The following TMEM134 variants were observed in gnomAD, a reference collection of about 807,000 sequenced individuals.
The protein encoded by TMEM134 is transmembrane protein 134.
In TMEM134, 36 loss-of-function variants were observed where a neutral mutation model predicts 26.2. The observed-to-expected ratio is 1.37, with a 90% CI of 1.05 to 1.81. The LOEUF (loss-of-function observed/expected upper bound fraction) is 1.81, where lower values mean the gene tolerates loss of function less well. TMEM134 is among the 40% of genes most tolerant of loss of function. The pLI is 0.00. For missense variants in TMEM134, 339 were observed against 263.5 expected (o/e 1.29, Z -1.98); for synonymous variants, 133 against 113.6 (o/e 1.17, Z -1.08).
Position 67,468,061 on chromosome 11 carries a change from G to A in TMEM134, c.206C>T (p.Ala69Val), listed in dbSNP as rs1215361869. ...GACTCCCCCATCCGGCTCCGGAGAG[G>A]CCTGGGCTCCATCCTCATCGTTCTC... The part of the protein sequence containing the change: ...NLENDEDGAQ[A>V]SPEPDGGVGT... The change falls in exon 2 of 7, where the codon GCC becomes GTC. Residue 69 changes from alanine (A) to valine (V), a missense_variant. Ala to Val is a moderately conservative substitution (Grantham distance 64). Coordinates refer to ENST00000308022, the MANE Select transcript of TMEM134 (RefSeq NM_025124.4). 1 of 1,564,216 alleles carries A rather than the reference G, an allele frequency of 6.4e-7. No homozygotes were observed. The highest frequency in any genetic ancestry group is 8.7e-7 in the Non-Finnish European group (1 of 1,153,872).
chr11:67,467,145 CA>C, intron 4 of TMEM134, 166 bp downstream of exon 4: 1 of 631,852 alleles, frequency 1.6e-6, no homozygotes, highest in Non-Finnish European at 2.8e-6. Flanking sequence ...GCCCAGGTCA[CA>C]AGGCCTCTGT....
chr11:67,464,841 A>G lies in TMEM134; in HGVS notation c.467T>C (p.Ile156Thr), dbSNP rs1565169477. Residue 156 changes from isoleucine (I) to threonine (T), a missense_variant, in exon 6 of 7, where the codon ATC (isoleucine) becomes ACC (threonine). Coordinates refer to ENST00000308022, the MANE Select transcript of TMEM134 (RefSeq NM_025124.4). ...ATPSPGVSSA[I>T]FFVPGFLLLV... ...CAACAGGAAGCCCGGCACGAAGAAG[A>G]TGGCGCTGGAGACACCTGCGGGAGG... 1.2e-6 allele frequency: 2 copies of G among 1,610,482 alleles called. No individual in the cohort carries two copies. Among genetic ancestry groups the G allele is most frequent in the Admixed American group, 1.7e-5 (1 of 59,982 alleles).
Position 67,462,497 on chromosome 11 carries a change from GTGCGCACCACCA to G in TMEM134, c.*2105_*2116del. 1 of 151,490 alleles carries G rather than the reference GTGCGCACCACCA, an allele frequency of 6.6e-6. No homozygotes were observed. The highest frequency in any genetic ancestry group is 2.0e-4 in the East Asian group (1 of 5,036). 9.4% of individuals were successfully genotyped at this position (151,490 alleles called of 1,614,324 possible). A position where few individuals can be genotyped will look rare whatever the true frequency, so the allele number is the denominator to read the frequency against. The stretch of plus-strand genomic sequence containing the variant: ...GCCTCCTGAGTAGCTGGGATTACAG[GTGCGCACCACCA>G]TGCCCGGTAATTTTTTTGTATTTTT... On this transcript the variant is annotated 3_prime_UTR_variant, in exon 7 of 7. Coordinates refer to ENST00000308022, the MANE Select transcript of TMEM134 (RefSeq NM_025124.4).
chr11:67,468,038 C>T lies in TMEM134; in HGVS notation c.229G>A (p.Val77Ile). 6.4e-7 allele frequency: 1 copy of T among 1,559,306 alleles called. No individual in the cohort carries two copies. Among genetic ancestry groups the T allele is most frequent in the Non-Finnish European group, 8.7e-7 (1 of 1,151,210 alleles). The change falls in exon 2 of 7, where the codon GTC becomes ATC. Residue 77 changes from valine (V) to isoleucine (I), a missense_variant. Transcript: ENST00000308022. ...CCACCTGGCCCTAACCTGGTGCCGA[C>T]TCCCCCATCCGGCTCCGGAGAGGCC... ...AQASPEPDGGVGTRDSSRTSI... is the reference protein window; with the variant it reads ...AQASPEPDGGIGTRDSSRTSI...
At chr11:67,468,603 A>G (rs1327675581) in intron 1 of TMEM134, among the ~76,000 whole-genome samples, 2 of 152,184 alleles carry the variant, frequency 1.3e-5, no homozygotes, top group African/African-American at 4.8e-5. Context: ...GAGGGCTTTC[A>G]GAATAGAGAA....
At chr11:67,467,470 C>T in intron 3 of TMEM134, 31 bp downstream of exon 3, 1 of 1,613,450 alleles carries the variant, frequency 6.2e-7, no homozygotes, top group Non-Finnish European at 8.5e-7. Context: ...GCCAGGGCTG[C>T]TCGGCTGGGG....
intron 4 of TMEM134, chr11:67,465,359 C>T (rs1865187443): frequency 3.1e-6 from 3 of 982,812 alleles, no homozygotes; most frequent in Admixed American, 3.5e-5. Context: ...CTACTGCGTG[C>T]CTGGTACTGG....
chr11:67,468,896 G>C (rs1016200761), intron 1 of TMEM134, 123 bp downstream of exon 1: 4 of 989,948 alleles, frequency 4.0e-6, no homozygotes, highest in African/African-American at 1.7e-5. Flanking sequence ...GCGGGGCGGG[G>C]GGGCGGTCTC....
chr11:67,465,025 C>A, intron 5 of TMEM134, 31 bp downstream of exon 5: 3 of 1,537,962 alleles, frequency 2.0e-6, no homozygotes, highest in Non-Finnish European at 2.6e-6. Context: ...CAGGGGTGTC[C>A]TCTGCCTGTG....
chr11:67,465,589 T>TG (rs1865200883), intron 4 of TMEM134, among the ~76,000 whole-genome samples: 2 of 149,868 alleles, frequency 1.3e-5, no homozygotes, highest in Admixed American at 6.6e-5. Flanking sequence ...CCTGGGGGAC[T>TG]GGGGGGCCAC....
intron 4 of TMEM134, 26 bp from the exon 5 acceptor site, chr11:67,465,126 TGGGGGCAGGAGCAGTGGTGAGGGC>T (rs767566031): frequency 2.8e-5 from 43 of 1,554,204 alleles, no homozygotes; most frequent in South Asian, 1.8e-4. Context: ...GCCGCGGGGG[TGGGGGCAGGAGCAGTGGTGAGGGC>T]GGGGGCTCCC....
Position 67,469,202 on chromosome 11 carries a change from C to T in TMEM134, c.-10G>A. The T allele has an allele frequency of 1.6e-6, 2 of 1,289,460 alleles. No individual in the cohort carries two copies. Among genetic ancestry groups the T allele is most frequent in the Non-Finnish European group, 2.0e-6 (2 of 1,013,454 alleles). The allele number at this position is 1,289,460 out of a possible 1,614,324, so 79.9% of individuals were successfully genotyped here. A position where few individuals can be genotyped will look rare whatever the true frequency, so the allele number is the denominator to read the frequency against. On this transcript the variant is annotated 5_prime_UTR_variant, in exon 1 of 7. Coordinates refer to ENST00000308022, the MANE Select transcript of TMEM134 (RefSeq NM_025124.4). ...GCCGGGCGGCGCTCATGGCCCCGGCCCGCTCAGGCGCCGTGCGCCGCCGCC... is the reference window on the plus strand; with the variant it reads ...GCCGGGCGGCGCTCATGGCCCCGGCTCGCTCAGGCGCCGTGCGCCGCCGCC...
rs1865060240 is a variant in TMEM134, at chr11:67,462,858, A to C, written c.*1756T>G. On this transcript the variant is annotated 3_prime_UTR_variant, in exon 7 of 7. Transcript: ENST00000308022. The stretch of plus-strand genomic sequence containing the variant: ...ACAGGCGCCCCACCATGCCTGGCTA[A>C]GTTTTTGTATTTTTTGTAGAGATGG... The C allele has an allele frequency of 6.6e-6, 1 of 151,360 alleles. No individual in the cohort carries two copies. The highest frequency in any genetic ancestry group is 1.5e-5 in the Non-Finnish European group (1 of 67,884). The allele number at this position is 151,360 out of a possible 1,614,324, so 9.4% of individuals were successfully genotyped here. A position where few individuals can be genotyped will look rare whatever the true frequency, so the allele number is the denominator to read the frequency against.
intron 2 of TMEM134, 154 bp downstream of exon 2, chr11:67,467,874 T>C (rs1865373504): frequency 2.7e-6 from 2 of 753,798 alleles, no homozygotes; most frequent in East Asian, 2.7e-5. Flanking sequence ...GACCCTACAG[T>C]GTAGGAGACC....
Position 67,469,245 on chromosome 11 carries a change from C to T in TMEM134, c.-53G>A, listed in dbSNP as rs1865512214. The T allele has an allele frequency of 1.6e-6, 2 of 1,229,404 alleles. No individual in the cohort carries two copies. Among genetic ancestry groups the T allele is most frequent in the Middle Eastern group, 3.1e-4 (1 of 3,252 alleles). The allele number at this position is 1,229,404 out of a possible 1,614,324, so 76.2% of individuals were successfully genotyped here. ...CCGCCGCCATCTGCGCCCACACACC[C>T]AGCGTCGCCGCTGCCCCGCCCCCGC... On this transcript the variant is annotated 5_prime_UTR_variant, in exon 1 of 7. Coordinates refer to ENST00000308022, the MANE Select transcript of TMEM134 (RefSeq NM_025124.4).
At position 67,464,769 on chromosome 11, in the gene TMEM134, C is replaced by T. The variant is rs746711872; in HGVS notation, c.505+34G>A. ...CACCGCCCCCAGTGCCGCCCCACAGCCCCCGCCCCTTCCGCCCCGGTGCCC... is the reference window on the plus strand; with the variant it reads ...CACCGCCCCCAGTGCCGCCCCACAGTCCCCGCCCCTTCCGCCCCGGTGCCC... On this transcript the variant is annotated intron_variant, in intron 6 of 6. Transcript: ENST00000308022. 5.1e-6 allele frequency: 8 copies of T among 1,559,906 alleles called. No homozygotes were observed. In the Admixed American group the frequency reaches 7.7e-5, roughly 15 times the overall value.
intron 4 of TMEM134, 31 bp from the exon 5 acceptor site, chr11:67,465,131 G>A (rs764601599): frequency 2.6e-6 from 4 of 1,556,076 alleles, no homozygotes; most frequent in Middle Eastern, 1.7e-4. Context: ...GGGGGTGGGG[G>A]CAGGAGCAGT....
chr11:67,464,519 A>G lies in TMEM134; in HGVS notation c.*95T>C. 1 of 1,320,236 alleles carries G rather than the reference A, an allele frequency of 7.6e-7. No homozygotes were observed. The highest frequency in any genetic ancestry group is 1.3e-5 in the South Asian group (1 of 78,712). 81.8% of individuals were successfully genotyped at this position (1,320,236 alleles called of 1,614,324 possible). A position where few individuals can be genotyped will look rare whatever the true frequency, so the allele number is the denominator to read the frequency against. The stretch of plus-strand genomic sequence containing the variant: ...AAACTCCCTAGGGGCTGGGGTTTCG[A>G]GGGTCCTGGAGGGCCTCTTCCCTTG... On this transcript the variant is annotated 3_prime_UTR_variant, in exon 7 of 7. Transcript: ENST00000308022.
At position 67,464,552 on chromosome 11, in the gene TMEM134, G is replaced by A. The variant is rs925246125; in HGVS notation, c.*62C>T. On this transcript the variant is annotated 3_prime_UTR_variant, in exon 7 of 7. Coordinates refer to ENST00000308022, the MANE Select transcript of TMEM134 (RefSeq NM_025124.4). ...GGAGGGCCTCTTCCCTTGAGATGAG[G>A]GGAACGGAACAGGGCAAGAGGGGCG... The A allele has an allele frequency of 2.0e-6, 3 of 1,506,332 alleles. No homozygotes were observed. The highest frequency in any genetic ancestry group is 2.8e-5 in the African/African-American group (2 of 71,978). 93.3% of individuals were successfully genotyped at this position (1,506,332 alleles called of 1,614,324 possible).
Sources: gnomAD v4.1 joint callset for allele counts (sites outside exome capture counted in the v4.1 genomes callset) on GRCh38, gnomAD v4.1.1 for gene constraint, MANE v1.5 for transcripts, NCBI Gene and HGNC (gene_info 2026-07-23, HGNC 2026-07-21) for gene names.